The following SYCP2L variants were observed in gnomAD, a reference collection of about 807,000 sequenced individuals.
SYCP2L encodes the protein synaptonemal complex protein 2-like.
A neutral mutation model predicts 125.8 loss-of-function variants in SYCP2L; 98 were observed. The observed-to-expected ratio is 0.78, with a 90% CI of 0.66 to 0.92. SYCP2L has a LOEUF of 0.92. Ranked by LOEUF, SYCP2L falls within the 40% of genes least tolerant of loss-of-function variation. The pLI, the probability that SYCP2L is intolerant of heterozygous loss-of-function variation, is 0.00. For missense variants in SYCP2L, 842 were observed against 936.4 expected (o/e 0.90, Z 1.32); for synonymous variants, 317 against 325.4 (o/e 0.97, Z 0.28).
intron 14 of SYCP2L, among the ~76,000 whole-genome samples, chr6:10,921,710 CT>C (rs879623432): frequency 1.5e-3 from 218 of 143,528 alleles, no homozygotes; most frequent in Admixed American, 1.9e-3. Flanking sequence ...CTTTGACCAC[CT>C]TTTTTTTTTT....
At chr6:10,934,574 T>C (rs1368626521) in intron 20 of SYCP2L, among the ~76,000 whole-genome samples, 1 of 152,192 alleles carries the variant, frequency 6.6e-6, no homozygotes, top group Non-Finnish European at 1.5e-5. Context: ...CAGCTACTCA[T>C]GAGGCTGAGG....
intron 28 of SYCP2L, 99 bp downstream of exon 28, chr6:10,961,657 A>G: frequency 1.3e-5 from 16 of 1,202,412 alleles, no homozygotes; most frequent in Non-Finnish European, 1.9e-5. Context: ...AACTCCCATA[A>G]CTAATGAAAT....
At chr6:10,944,314 C>T (rs1290423855) in intron 23 of SYCP2L, among the ~76,000 whole-genome samples, 1 of 152,118 alleles carries the variant, frequency 6.6e-6, no homozygotes, top group Non-Finnish European at 1.5e-5. Flanking sequence ...ATTTGAATTT[C>T]CTCTTGTGTA....
At position 10,931,458 on chromosome 6, in the gene SYCP2L, C is replaced by A; in HGVS notation, c.1652C>A (p.Pro551His). 1 of 1,614,028 alleles carries A rather than the reference C, an allele frequency of 6.2e-7. No individual in the cohort carries two copies. The highest frequency in any genetic ancestry group is 8.5e-7 in the Non-Finnish European group (1 of 1,179,964). Reference protein sequence around the residue: ...SNLRILPVFPPSSGSGHEKDQ... With the variant: ...SNLRILPVFPHSSGSGHEKDQ... ...AATTTAGTCTTGCCAGTTTTCCCTC[C>A]CAGTAGTGGCAGTGGCCATGAGAAA... Residue 551 changes from proline (P) to histidine (H), a missense_variant, in exon 20 of 30, where the codon CCC becomes CAC. Pro to His is a moderately conservative substitution (Grantham distance 77). Transcript: ENST00000283141.
intron 23 of SYCP2L, among the ~76,000 whole-genome samples, chr6:10,944,595 A>C (rs1272217771): frequency 6.6e-6 from 1 of 152,028 alleles, no homozygotes; most frequent in African/African-American, 2.4e-5. Context: ...GATATTATAT[A>C]TTATTTCCTA....
At chr6:10,928,914 A>AC (rs1780943850) in intron 18 of SYCP2L, among the ~76,000 whole-genome samples, 1 of 123,564 alleles carries the variant, frequency 8.1e-6, no homozygotes, top group Admixed American at 7.6e-5. Flanking sequence ...TCTTTTCTTT[A>AC]CTTTTTTTTT....
At chr6:10,943,338 T>C (rs1306860565) in intron 23 of SYCP2L, among the ~76,000 whole-genome samples, 1 of 152,218 alleles carries the variant, frequency 6.6e-6, no homozygotes, top group Non-Finnish European at 1.5e-5. Flanking sequence ...TAGTTATAAA[T>C]ATGTGTAGGA....
intron 5 of SYCP2L, among the ~76,000 whole-genome samples, chr6:10,898,398 A>G (rs1780297718): frequency 6.6e-6 from 1 of 152,090 alleles, no homozygotes; most frequent in Non-Finnish European, 1.5e-5. Context: ...CTGTAATTTC[A>G]GCTACTTGGG....
Position 10,958,806 on chromosome 6 carries a change from T to G in SYCP2L, c.2186T>G (p.Phe729Cys), listed in dbSNP as rs1781547190. ...TAGCTTAGGTACAGAAAGCGTCCGT[T>G]TAATTCAGAAAATGCAAAGAAAGCA... ...KYELRYRKRP[F>C]NSENAKKAPD... Residue 729 changes from phenylalanine to cysteine, a missense_variant, in exon 26 of 30, where the codon TTT becomes TGT. Transcript: ENST00000283141. The G allele has an allele frequency of 1.2e-6, 2 of 1,613,716 alleles. No homozygotes were observed. The highest frequency in any genetic ancestry group is 1.7e-6 in the Non-Finnish European group (2 of 1,179,898).
chr6:10,896,317 G>A (rs1201076106), intron 4 of SYCP2L, among the ~76,000 whole-genome samples: 1 of 152,150 alleles, frequency 6.6e-6, no homozygotes, highest in Admixed American at 6.5e-5. Context: ...GACAATGTGT[G>A]ACCAGGGCAC....
chr6:10,945,161 A>G (rs1251673933), intron 23 of SYCP2L, among the ~76,000 whole-genome samples: 1 of 152,178 alleles, frequency 6.6e-6, no homozygotes, highest in Non-Finnish European at 1.5e-5. Flanking sequence ...CATAGTCTGT[A>G]TGATTATACC....
At chr6:10,901,597 G>A (rs1780377512) in intron 6 of SYCP2L, among the ~76,000 whole-genome samples, 1 of 152,118 alleles carries the variant, frequency 6.6e-6, no homozygotes, top group Non-Finnish European at 1.5e-5. Flanking sequence ...ATCAGAGGGT[G>A]TTTGGCGGCA....
At chr6:10,933,616 G>A (rs992046957) in intron 20 of SYCP2L, among the ~76,000 whole-genome samples, 1 of 152,140 alleles carries the variant, frequency 6.6e-6, no homozygotes, top group East Asian at 1.9e-4. Context: ...ATGACTTCAC[G>A]TTCTTCCAAT....
intron 20 of SYCP2L, among the ~76,000 whole-genome samples, chr6:10,932,738 G>T (rs1459231535): frequency 6.6e-6 from 1 of 152,110 alleles, no homozygotes; most frequent in African/African-American, 2.4e-5. Context: ...AAACACCAAA[G>T]AAATACCACA....
rs151312580 is a variant in SYCP2L, at chr6:10,897,521, C to T, written c.337-490C>T. ...TGACCTTCTGGGGTCAAGTGATCCTCATACCTCAGCCTCCCAAGTAGCTGG... is the reference window on the plus strand; with the variant it reads ...TGACCTTCTGGGGTCAAGTGATCCTTATACCTCAGCCTCCCAAGTAGCTGG... On this transcript the variant is annotated intron_variant, in intron 4 of 29. Coordinates refer to ENST00000283141, the MANE Select transcript of SYCP2L (RefSeq NM_001040274.3). Among the ~76,000 whole-genome samples the T allele has an allele frequency of 1.7e-4, 26 of 151,844 alleles. No individual in the cohort carries two copies. The East Asian group carries it at 4.6e-3, about 27-fold the overall frequency.
chr6:10,969,827 TATTA>T (rs1358093375), intron 29 of SYCP2L, among the ~76,000 whole-genome samples: 4 of 152,178 alleles, frequency 2.6e-5, no homozygotes, highest in Admixed American at 2.6e-4. Context: ...ATTTACATGA[TATTA>T]ATTGACTTGA....
At chr6:10,962,728 G>GT (rs1348420657) in intron 28 of SYCP2L, among the ~76,000 whole-genome samples, 1 of 152,148 alleles carries the variant, frequency 6.6e-6, no homozygotes, top group African/African-American at 2.4e-5. Flanking sequence ...GAAGCATGTG[G>GT]GAAGAATAGC....
intron 4 of SYCP2L, among the ~76,000 whole-genome samples, chr6:10,895,630 A>AGGG (rs35545017): frequency 4.0e-5 from 6 of 150,752 alleles, no homozygotes; most frequent in Non-Finnish European, 3.0e-5. Flanking sequence ...GGAGAACAAA[A>AGGG]GGGGGGGGTA....
At chr6:10,959,639 G>C (rs1226423771) in intron 26 of SYCP2L, among the ~76,000 whole-genome samples, 1 of 152,156 alleles carries the variant, frequency 6.6e-6, no homozygotes, top group Non-Finnish European at 1.5e-5. Flanking sequence ...GGAGGCTGAG[G>C]TGGGTGGATC....
Sources: gnomAD v4.1 joint callset for allele counts (sites outside exome capture counted in the v4.1 genomes callset) on GRCh38, gnomAD v4.1.1 for gene constraint, MANE v1.5 for transcripts, NCBI Gene and HGNC (gene_info 2026-07-23, HGNC 2026-07-21) for gene names.